The following EVC2 variants were observed in gnomAD, a reference collection of about 807,000 sequenced individuals.
EVC2 encodes limbin.
A neutral mutation model predicts 149.3 loss-of-function variants in EVC2; 148 were observed. The ratio of observed to expected loss-of-function variants is 0.99; its 90% CI spans 0.87 to 1.14. The LOEUF (loss-of-function observed/expected upper bound fraction) is 1.14, where lower values mean the gene tolerates loss of function less well. Ranked by LOEUF, EVC2 falls within the 50% of genes most tolerant of loss-of-function variation. The pLI is 0.00. For synonymous variants in EVC2, 776 were observed against 649.9 expected, an observed-to-expected ratio of 1.19 and a Z score of -2.95; for missense variants, 1,854 against 1,627.3, an observed-to-expected ratio of 1.14 and a Z score of -2.40.
chr4:5,539,613 G>A (rs941700566), downstream of EVC2, among the ~76,000 whole-genome samples: 2 of 152,120 alleles, frequency 1.3e-5, no homozygotes, highest in Non-Finnish European at 2.9e-5. Context: ...ACAGAAGAGA[G>A]ATATATAAAT....
intron 15 of EVC2, among the ~76,000 whole-genome samples, chr4:5,616,998 T>C (rs916835758): frequency 7.9e-5 from 12 of 152,200 alleles, no homozygotes; most frequent in African/African-American, 2.9e-4. Context: ...TTTTCCCCCA[T>C]TGTTCAAAAA....
chr4:5,602,111 A>G (rs544032470), intron 16 of EVC2, among the ~76,000 whole-genome samples: 4 of 152,114 alleles, frequency 2.6e-5, no homozygotes, highest in African/African-American at 9.6e-5. Context: ...ACCTGTCCCT[A>G]TAAAAAATTT....
intron 6 of EVC2, among the ~76,000 whole-genome samples, chr4:5,682,398 G>C (rs997929033): frequency 2.0e-5 from 3 of 151,826 alleles, no homozygotes; most frequent in Non-Finnish European, 1.5e-5. Flanking sequence ...GCTGAGGCAG[G>C]AGAATGGCTT....
At chr4:5,606,683 T>C (rs944323575) in intron 16 of EVC2, among the ~76,000 whole-genome samples, 7 of 151,766 alleles carry the variant, frequency 4.6e-5, no homozygotes, top group Admixed American at 4.6e-4. Context: ...ACCCAATCAA[T>C]AGAAATGAGA....
intron 16 of EVC2, among the ~76,000 whole-genome samples, chr4:5,615,075 T>A (rs1007024458): frequency 9.2e-5 from 14 of 151,712 alleles, no homozygotes; most frequent in Admixed American, 3.3e-4. Context: ...AGAAAAAGAA[T>A]GTGATGGAGG....
At chr4:5,627,133 C>G (rs192972428) in intron 12 of EVC2, among the ~76,000 whole-genome samples, 2 of 152,346 alleles carry the variant, frequency 1.3e-5, no homozygotes, top group Admixed American at 1.3e-4. Context: ...AGCATTACCA[C>G]TATCATTCCT....
intron 18 of EVC2, 30 bp from the exon 19 acceptor site, chr4:5,574,802 C>T (rs756958580): frequency 6.2e-7 from 1 of 1,605,030 alleles, no homozygotes; most frequent in Non-Finnish European, 8.5e-7. Context: ...TACGTAAGTT[C>T]AGTTTTGTTA....
chr4:5,623,982 C>T (rs1715924469), intron 13 of EVC2, among the ~76,000 whole-genome samples: 1 of 152,154 alleles, frequency 6.6e-6, no homozygotes, highest in Non-Finnish European at 1.5e-5. Flanking sequence ...GCTAGGCACA[C>T]AGGATCTGCA....
chr4:5,619,987 T>A (rs1225308905), intron 14 of EVC2, among the ~76,000 whole-genome samples: 1 of 152,208 alleles, frequency 6.6e-6, no homozygotes. Flanking sequence ...AGGTTTACCA[T>A]ACCCAGATCT....
chr4:5,529,698 C>T, the EVC2 span, among the ~76,000 whole-genome samples: 2 of 152,100 alleles, frequency 1.3e-5, no homozygotes, highest in African/African-American at 4.8e-5. The surrounding 1 kb of genome is among the most constrained non-coding windows in gnomAD (Gnocchi z 4.5). Context: ...AGTTTTTATG[C>T]CATCCTATGT....
intron 3 of EVC2, among the ~76,000 whole-genome samples, chr4:5,694,011 C>T (rs1416667109): frequency 1.3e-5 from 2 of 152,184 alleles, no homozygotes; most frequent in African/African-American, 4.8e-5. Flanking sequence ...ATGTTCACTG[C>T]TATTATGGGC....
intron 5 of EVC2, among the ~76,000 whole-genome samples, chr4:5,685,770 C>A (rs769193564): frequency 6.6e-6 from 1 of 152,228 alleles, no homozygotes; most frequent in Non-Finnish European, 1.5e-5. Flanking sequence ...GGCTGGCTCT[C>A]CTAGCCCTTT....
chr4:5,566,041 G>A (rs13121279), intron 20 of EVC2, among the ~76,000 whole-genome samples: 76,828 of 152,166 alleles, frequency 0.5, 21,471 homozygotes, highest in Non-Finnish European at 0.64. Flanking sequence ...TACCCTCCAC[G>A]TAGCCCTAGT....
intron 8 of EVC2, among the ~76,000 whole-genome samples, chr4:5,665,285 G>T (rs866150981): frequency 2.0e-5 from 3 of 152,006 alleles, no homozygotes; most frequent in South Asian, 2.1e-4. Context: ...ATCGCCACTG[G>T]ACTCAGCCTG....
chr4:5,573,871 C>T (rs1332406058), intron 19 of EVC2, among the ~76,000 whole-genome samples: 1 of 152,192 alleles, frequency 6.6e-6, no homozygotes, highest in Admixed American at 6.5e-5. Context: ...CGGGTCAGCT[C>T]TCAGGTTGCG....
chr4:5,631,543 C>G (rs939244294), intron 11 of EVC2, among the ~76,000 whole-genome samples: 2 of 150,216 alleles, frequency 1.3e-5, no homozygotes, highest in Non-Finnish European at 3.0e-5. Flanking sequence ...AGTGAGGTAA[C>G]TTGCTCAAGT....
At chr4:5,703,007 T>A (rs1393047789) in intron 1 of EVC2, among the ~76,000 whole-genome samples, 1 of 152,220 alleles carries the variant, frequency 6.6e-6, no homozygotes, top group Non-Finnish European at 1.5e-5. Flanking sequence ...TTATTGCCAT[T>A]ATTACTACAT....
rs769629928 is a variant in EVC2 at position 5,625,801 on chromosome 4, T to A, written c.1994A>T (p.Lys665Ile). 2 of 1,614,180 alleles carry A rather than the reference T, an allele frequency of 1.2e-6. No individual in the cohort carries two copies. The highest frequency in any genetic ancestry group is 1.7e-6 in the Non-Finnish European group (2 of 1,180,036). ...AGTTATTAATTTTTGGTGGAGCTTT[T>A]TCTTTTCCTGCTTTAAGTCATTGTC... ...KLDNDLKQEK[K>I]KLHQKLITKR... Residue 665 changes from lysine (K) to isoleucine (I), a missense_variant, in exon 13 of 22, where the codon AAA becomes ATA. Physicochemically the swap from Lys to Ile is moderately radical, Grantham distance 102 (BLOSUM62 -3). Coordinates refer to ENST00000344408, the MANE Select transcript of EVC2 (RefSeq NM_147127.5). This position sits in a 1 kb window ranked among gnomAD's most constrained non-coding sequence, Gnocchi z 4.0.
In EVC2 at chr4:5,663,262, G is replaced by A. The variant is rs201878458; in HGVS notation, c.1006-16C>T. The A allele has an allele frequency of 7.1e-5, 115 of 1,613,772 alleles. No homozygotes were observed. Among genetic ancestry groups the A allele is most frequent in the African/African-American group, 2.3e-4 (17 of 75,006 alleles). On this transcript the variant is annotated splice_polypyrimidine_tract_variant and intron_variant, in intron 8 of 21. Transcript: ENST00000344408. ...ACTGCCAAACCTTCAGGAGAATTGC[G>A]GAAATAATAATTGATTGGGCCTTCT...
Sources: allele counts gnomAD v4.1 joint callset (sites outside exome capture counted in the v4.1 genomes callset), GRCh38; gene constraint gnomAD v4.1.1; non-coding constraint Gnocchi (gnomAD v3.1); transcripts MANE v1.5; gene names NCBI Gene and HGNC (gene_info 2026-07-23, HGNC 2026-07-21).